The following ZCCHC7 variants were observed in gnomAD, a reference collection of about 807,000 sequenced individuals.
ZCCHC7 encodes zinc finger CCHC-type containing 7, also known as zinc finger CCHC domain-containing protein 7.
Under a neutral mutation model 52.0 loss-of-function variants are expected in ZCCHC7, and 35 were observed. The ratio of observed to expected loss-of-function variants is 0.67; its 90% CI spans 0.51 to 0.89. ZCCHC7 has a LOEUF of 0.89. Among genes scored for constraint, ZCCHC7 ranks in the 40% least tolerant of loss-of-function variants. The pLI is 0.00. For missense variants in ZCCHC7, 574 were observed against 649.1 expected (o/e 0.88, Z 1.26); for synonymous variants, 217 against 221.5 (o/e 0.98, Z 0.18).
intron 2 of ZCCHC7, among the ~76,000 whole-genome samples, chr9:37,178,992 G>A (rs901757407): frequency 1.3e-5 from 2 of 152,024 alleles, no homozygotes; most frequent in Non-Finnish European, 2.9e-5. Flanking sequence ...TCCTGTGTTT[G>A]ACTGTCTATT....
intron 2 of ZCCHC7, among the ~76,000 whole-genome samples, chr9:37,184,592 C>G (rs1441347336): frequency 1.3e-5 from 2 of 151,944 alleles, no homozygotes; most frequent in African/African-American, 4.8e-5. Context: ...GTACGAATAC[C>G]CTGAGAGAGA....
At chr9:37,329,392 T>C (rs1176204393) in intron 6 of ZCCHC7, among the ~76,000 whole-genome samples, 1 of 151,768 alleles carries the variant, frequency 6.6e-6, no homozygotes, top group African/African-American at 2.4e-5. Flanking sequence ...TAGGAAAAAA[T>C]AATACAAAAT....
intron 2 of ZCCHC7, among the ~76,000 whole-genome samples, chr9:37,229,752 T>G (rs1050441972): frequency 6.6e-6 from 1 of 152,186 alleles, no homozygotes; most frequent in Non-Finnish European, 1.5e-5. Context: ...ATTTATTAAC[T>G]TTTTTCTTTA....
At chr9:37,197,526 T>G (rs1823352099) in intron 2 of ZCCHC7, among the ~76,000 whole-genome samples, 1 of 152,216 alleles carries the variant, frequency 6.6e-6, no homozygotes, top group Admixed American at 6.5e-5. Context: ...CAGTGAACTG[T>G]TTTTTATTTT....
intron 2 of ZCCHC7, among the ~76,000 whole-genome samples, chr9:37,206,433 G>C (rs1005978068): frequency 6.6e-6 from 1 of 151,666 alleles, no homozygotes; most frequent in African/African-American, 2.4e-5. Flanking sequence ...TCTTGGCTCA[G>C]CGCAACCTGC....
chr9:37,174,928 G>C (rs1263607450), intron 2 of ZCCHC7, among the ~76,000 whole-genome samples: 1 of 152,004 alleles, frequency 6.6e-6, no homozygotes, highest in Non-Finnish European at 1.5e-5. Context: ...CTTAAGGTCA[G>C]GAGTTCAAGA....
rs1344852182 is a variant in ZCCHC7 at position 37,126,494 on chromosome 9, T to C, written c.162T>C (p.His54=). ...DLDDVIREEE[H]EEKNSGNSES... is the part of the protein sequence containing the mutation. The stretch of plus-strand genomic sequence containing the variant: ...ATGATGTCATCAGGGAGGAAGAGCA[T>C]GAAGAAAAGAACTCTGGGAATTCGG... Residue 54 remains histidine, a synonymous_variant, in exon 2 of 9, where the codon CAT becomes CAC. Coordinates refer to ENST00000336755, the MANE Select transcript of ZCCHC7 (RefSeq NM_032226.3). The C allele has an allele frequency of 6.8e-6, 11 of 1,613,702 alleles. No homozygotes were observed. The highest frequency in any genetic ancestry group is 9.3e-6 in the Non-Finnish European group (11 of 1,180,006).
intron 6 of ZCCHC7, among the ~76,000 whole-genome samples, chr9:37,341,094 A>G (rs573082611): frequency 1.3e-5 from 2 of 152,282 alleles, no homozygotes; most frequent in African/African-American, 2.4e-5. Flanking sequence ...TGCTTTCAAA[A>G]TCTCGATTAA....
chr9:37,231,067 C>A (rs1410031521), intron 2 of ZCCHC7, among the ~76,000 whole-genome samples: 2 of 152,110 alleles, frequency 1.3e-5, no homozygotes, highest in African/African-American at 4.8e-5. Flanking sequence ...CGTCAGCCTC[C>A]CCAGCAGTTG....
At chr9:37,288,946 A>G (rs1185933606) in intron 2 of ZCCHC7, among the ~76,000 whole-genome samples, 3 of 152,140 alleles carry the variant, frequency 2.0e-5, no homozygotes, top group African/African-American at 7.2e-5. Flanking sequence ...TGTCTCTGAA[A>G]CTTAAGACTC....
chr9:37,356,598 C>T (rs1455535840), intron 8 of ZCCHC7, among the ~76,000 whole-genome samples: 2 of 152,214 alleles, frequency 1.3e-5, no homozygotes, highest in Non-Finnish European at 2.9e-5. Context: ...ATCTCCATTG[C>T]TTAACCTTGT....
intron 6 of ZCCHC7, 70 bp from the exon 7 acceptor site, chr9:37,349,287 T>C: frequency 1.3e-6 from 2 of 1,500,806 alleles, no homozygotes; most frequent in East Asian, 4.5e-5. Context: ...CCTATAAAGC[T>C]CTTTTGGAAA....
intron 2 of ZCCHC7, among the ~76,000 whole-genome samples, chr9:37,189,106 ATTTGATTTTTC>A (rs1016793637): frequency 2.7e-5 from 4 of 147,084 alleles, no homozygotes; most frequent in African/African-American, 1.0e-4. Flanking sequence ...TAAATTTTGC[ATTTGATTTTTC>A]TTTATATCTT....
chr9:37,261,658 G>A (rs10973277), intron 2 of ZCCHC7, among the ~76,000 whole-genome samples: 80,679 of 151,934 alleles, frequency 0.53, 21,876 homozygotes, highest in African/African-American at 0.62. Context: ...CTTGAACACT[G>A]TGACATGAAA....
Position 37,173,024 on chromosome 9 carries a change from C to T in ZCCHC7, c.610+46082C>T, listed in dbSNP as rs370234383. Among the ~76,000 whole-genome samples the T allele has an allele frequency of 5.0e-4, 76 of 151,554 alleles. No individual in the cohort carries two copies. In the South Asian group the frequency reaches 0.016, roughly 31 times the overall value. On this transcript the variant is annotated intron_variant, in intron 2 of 8. Transcript: ENST00000336755. ...GCATTCCAGTAGGGACTTGAGTGAG[C>T]AACGTGGCCATTCCAATAGGGACTC...
intron 2 of ZCCHC7, among the ~76,000 whole-genome samples, chr9:37,229,426 G>A (rs1825288845): frequency 6.6e-6 from 1 of 152,046 alleles, no homozygotes; most frequent in Non-Finnish European, 1.5e-5. Context: ...AATCTAGATG[G>A]CATAGCCTCA....
Position 37,316,868 on chromosome 9 carries a change from C to CT in ZCCHC7, c.952-10916dup, listed in dbSNP as rs34953424. 1.6e-3 allele frequency among the ~76,000 whole-genome samples: 218 copies of CT among 140,290 alleles called. 1 individual carries two copies. Among genetic ancestry groups the CT allele is most frequent in the Middle Eastern group, 3.8e-3 (1 of 266 alleles). 92.0% of individuals were successfully genotyped at this position (140,290 alleles called of 152,430 possible). ...TACTGGTGGGATTTCACATAAGCCT[C>CT]TTTTTTTTTTTTTTTAATATACCAA... On this transcript the variant is annotated intron_variant, in intron 5 of 8. Transcript: ENST00000336755.
intron 2 of ZCCHC7, among the ~76,000 whole-genome samples, chr9:37,231,392 G>T (rs1449031697): frequency 6.6e-6 from 1 of 151,966 alleles, no homozygotes; most frequent in Non-Finnish European, 1.5e-5. Flanking sequence ...AATATCAGCT[G>T]GCGTATTACT....
intron 5 of ZCCHC7, among the ~76,000 whole-genome samples, chr9:37,306,710 G>A (rs182231346): frequency 2.3e-4 from 30 of 128,866 alleles, no homozygotes; most frequent in African/African-American, 7.8e-4. Flanking sequence ...TGATCCGCCC[G>A]CCTCGGCCTC....
Sources: allele counts gnomAD v4.1 joint callset (sites outside exome capture counted in the v4.1 genomes callset), GRCh38; gene constraint gnomAD v4.1.1; transcripts MANE v1.5; gene names NCBI Gene and HGNC (gene_info 2026-07-23, HGNC 2026-07-21).